The following TNKS variants were observed in gnomAD, a reference collection of about 807,000 sequenced individuals.
The protein encoded by TNKS is tankyrase, also known as poly [ADP-ribose] polymerase tankyrase-1.
Under a neutral mutation model 135.8 loss-of-function variants are expected in TNKS, and 72 were observed. The observed-to-expected ratio is 0.53, with a 90% confidence interval of 0.44 to 0.64. The LOEUF (loss-of-function observed/expected upper bound fraction) is 0.64, where lower values mean the gene tolerates loss of function less well. Ranked by LOEUF, TNKS falls within the 30% of genes least tolerant of loss-of-function variation. The probability of loss-of-function intolerance (pLI) is 0.00; values close to 1 mark genes in which losing one functional copy is unlikely to be tolerated. For synonymous variants in TNKS, 849 were observed against 649.3 expected (o/e 1.31, Z -4.68); for missense variants, 1,769 against 1,674.0 (o/e 1.06, Z -0.99).
intron 5 of TNKS, 21 bp from the exon 6 acceptor site, chr8:9,704,642 G>T: frequency 6.3e-7 from 1 of 1,587,758 alleles, no homozygotes; most frequent in Non-Finnish European, 8.6e-7. Flanking sequence ...TACCTGAAAA[G>T]GGGATGTTTT....
intron 26 of TNKS, among the ~76,000 whole-genome samples, chr8:9,770,652 T>C (rs1702351663): frequency 6.6e-6 from 1 of 152,100 alleles, no homozygotes; most frequent in East Asian, 1.9e-4. Flanking sequence ...AAACAATTTG[T>C]CTGAATGTAA....
At chr8:9,679,302 T>C (rs992553071) in intron 3 of TNKS, among the ~76,000 whole-genome samples, 5 of 152,198 alleles carry the variant, frequency 3.3e-5, no homozygotes, top group Non-Finnish European at 5.9e-5. Flanking sequence ...ATTATTGCCA[T>C]TTAAGAATGT....
At chr8:9,558,279 C>G (rs977670201) in intron 1 of TNKS, 16 of 152,154 alleles carry the variant, frequency 1.1e-4, no homozygotes, top group African/African-American at 3.9e-4. Context: ...TGTTAGGTCA[C>G]TGGATTCATT....
At chr8:9,718,018 G>T (rs1223771680) in intron 11 of TNKS, among the ~76,000 whole-genome samples, 1 of 28,872 alleles carries the variant, frequency 3.5e-5, no homozygotes, top group African/African-American at 7.2e-5. Context: ...TAAACTGTCA[G>T]AAGTTATTAG....
chr8:9,661,901 C>T (rs1177510593), intron 3 of TNKS, among the ~76,000 whole-genome samples: 2 of 152,138 alleles, frequency 1.3e-5, no homozygotes, highest in Non-Finnish European at 2.9e-5. Flanking sequence ...AAAAAACAAA[C>T]AACCCCATCA....
At chr8:9,628,128 A>G (rs148393955) in intron 3 of TNKS, among the ~76,000 whole-genome samples, 126 of 151,556 alleles carry the variant, frequency 8.3e-4, no homozygotes, top group African/African-American at 2.8e-3. Context: ...GCTCATATGT[A>G]TTGAATTCTG....
At chr8:9,618,230 G>C (rs1478200332) in intron 3 of TNKS, among the ~76,000 whole-genome samples, 2 of 152,074 alleles carry the variant, frequency 1.3e-5, no homozygotes, top group African/African-American at 4.8e-5. Context: ...CAGGTGACCT[G>C]TCTGCCTGAC....
intron 3 of TNKS, among the ~76,000 whole-genome samples, chr8:9,621,289 A>G (rs1799855871): frequency 6.8e-6 from 1 of 147,916 alleles, no homozygotes; most frequent in Non-Finnish European, 1.5e-5. Context: ...CAGATGTCAA[A>G]CCGAGGCCTT....
intron 25 of TNKS, among the ~76,000 whole-genome samples, chr8:9,767,157 T>C (rs1807501032): frequency 1.3e-5 from 2 of 152,254 alleles, no homozygotes; most frequent in African/African-American, 4.8e-5. Flanking sequence ...GTGATGTTGT[T>C]GTTTTAAGGC....
intron 2 of TNKS, among the ~76,000 whole-genome samples, chr8:9,602,973 C>T (rs180722188): frequency 6.6e-6 from 1 of 152,088 alleles, no homozygotes; most frequent in African/African-American, 2.4e-5. Context: ...AGTTGAGAAA[C>T]TAGGTTTACA....
chr8:9,636,097 T>C (rs973270513), intron 3 of TNKS, among the ~76,000 whole-genome samples: 1 of 152,164 alleles, frequency 6.6e-6, no homozygotes, highest in Admixed American at 6.5e-5. Context: ...AATGTATCGA[T>C]GTATTGCAGC....
chr8:9,630,532 C>T (rs1338913897), intron 3 of TNKS, among the ~76,000 whole-genome samples: 1 of 152,222 alleles, frequency 6.6e-6, no homozygotes, highest in Non-Finnish European at 1.5e-5. Context: ...AACAGACTTA[C>T]TCTTCAAATA....
At chr8:9,740,169 C>T (rs1363136592) in intron 17 of TNKS, among the ~76,000 whole-genome samples, 1 of 150,504 alleles carries the variant, frequency 6.6e-6, no homozygotes, top group African/African-American at 2.4e-5. Context: ...TATGTCAGAA[C>T]TGACTGACTG....
chr8:9,681,202 C>G (rs561399761), intron 5 of TNKS: 1 of 154,498 alleles, frequency 6.5e-6, no homozygotes, highest in East Asian at 1.9e-4. Context: ...TGCTAGATAC[C>G]AACACTTTTT....
intron 3 of TNKS, among the ~76,000 whole-genome samples, chr8:9,661,372 G>C (rs543659802): frequency 6.6e-6 from 1 of 152,260 alleles, no homozygotes; most frequent in African/African-American, 2.4e-5. Context: ...CATGGTACTG[G>C]TACCAAAACA....
intron 5 of TNKS, among the ~76,000 whole-genome samples, chr8:9,684,116 A>G (rs1385167175): frequency 6.6e-6 from 1 of 152,008 alleles, no homozygotes; most frequent in African/African-American, 2.4e-5. Context: ...TCTGCCCAGT[A>G]TGATTAGTCA....
At chr8:9,719,410 G>T (rs1464332768) in intron 11 of TNKS, among the ~76,000 whole-genome samples, 3 of 152,156 alleles carry the variant, frequency 2.0e-5, no homozygotes, top group Non-Finnish European at 4.4e-5. Context: ...CAGAAAGTCT[G>T]TGTGTAACAT....
At chr8:9,773,844 G>A (rs1299136820) in intron 26 of TNKS, among the ~76,000 whole-genome samples, 2 of 152,108 alleles carry the variant, frequency 1.3e-5, no homozygotes, top group African/African-American at 4.8e-5. Flanking sequence ...TCTAGCGTCT[G>A]CTAATTGAGT....
In TNKS at chr8:9,632,930, C is replaced by A. The variant is rs10091035; in HGVS notation, c.994+17253C>A. On this transcript the variant is annotated intron_variant, in intron 3 of 26. Coordinates refer to ENST00000310430, the MANE Select transcript of TNKS (RefSeq NM_003747.3). ...ATTTTTAGTAGAGATGGGGTTTCAC[C>A]ATGTTAGCCAGGATGGTCTCAATCT... Among the ~76,000 whole-genome samples, 111 of 152,262 alleles carry A rather than the reference C, an allele frequency of 7.3e-4. 1 individual carries two copies. The highest frequency in any genetic ancestry group is 2.6e-3 in the African/African-American group (109 of 41,552).
Sources: allele counts gnomAD v4.1 joint callset (sites outside exome capture counted in the v4.1 genomes callset), GRCh38; gene constraint gnomAD v4.1.1; transcripts MANE v1.5; gene names NCBI Gene and HGNC (gene_info 2026-07-23, HGNC 2026-07-21).